SREK1: variants seen among roughly 807,000 people sequenced by gnomAD.
The protein encoded by SREK1 is splicing regulatory glutamic acid and lysine rich protein 1.
Under a neutral mutation model 66.5 loss-of-function variants are expected in SREK1, and 13 were observed. The observed-to-expected ratio is 0.20, with a 90% CI of 0.13 to 0.31. The LOEUF (loss-of-function observed/expected upper bound fraction) is 0.31, where lower values mean the gene tolerates loss of function less well. Among genes scored for constraint, SREK1 ranks in the 10% least tolerant of loss-of-function variants. The pLI is 1.00. For missense variants in SREK1, 607 were observed against 769.6 expected (o/e 0.79, Z 2.50); for synonymous variants, 265 against 263.5 (o/e 1.01, Z -0.05).
intron 7 of SREK1, chr5:66,166,577 C>G (rs1745197508): frequency 6.6e-6 from 1 of 151,936 alleles, no homozygotes; most frequent in African/African-American, 2.4e-5. Flanking sequence ...CACAAGTGAT[C>G]CTCCCACCTC....
intron 9 of SREK1, 88 bp downstream of exon 9, chr5:66,171,035 A>G: frequency 6.9e-7 from 1 of 1,459,306 alleles, no homozygotes; most frequent in Non-Finnish European, 9.2e-7. Flanking sequence ...AGGTTACTGT[A>G]CGCAAGTGGA....
chr5:66,171,441 G>A (rs970443837), intron 9 of SREK1, among the ~76,000 whole-genome samples: 6 of 152,052 alleles, frequency 3.9e-5, no homozygotes, highest in Non-Finnish European at 5.9e-5. Context: ...AAGGGTTAGA[G>A]TTTTTCCTTA....
At chr5:66,156,529 T>C in intron 2 of SREK1, 1 of 987,716 alleles carries the variant, frequency 1.0e-6, no homozygotes, top group Non-Finnish European at 1.2e-6. Flanking sequence ...ATTAAAACAC[T>C]GATAAGTATC....
chr5:66,170,911 G>A lies in SREK1; in HGVS notation c.1448G>A (p.Ser483Asn). The A allele has an allele frequency of 1.2e-6, 2 of 1,610,826 alleles. No individual in the cohort carries two copies. The highest frequency in any genetic ancestry group is 1.7e-6 in the Non-Finnish European group (2 of 1,179,236). Reference sequence around the variant, plus strand: ...AAAAAATCCAGAACACCACCCAGGAGTTACAATGCATCGCGAAGATCTCGT... The same window carrying A: ...AAAAAATCCAGAACACCACCCAGGAATTACAATGCATCGCGAAGATCTCGT... ...KDKKSRTPPR[S>N]YNASRRSRSS... Residue 483 changes from serine (S) to asparagine (N), a missense_variant, in exon 9 of 12, where the codon AGT becomes AAT. Ser to Asn is a conservative substitution (Grantham distance 46). Around this residue, in one of 5 missense-constraint regions of SREK1, gnomAD observed 318 missense variants for 310.3 expected, o/e 1.02. Transcript: ENST00000334121.
Position 66,178,818 on chromosome 5 carries a change from A to G in SREK1, c.1825A>G (p.Asn609Asp). ...TEENKIQHNG[N>D]CQLNEENLST... The stretch of plus-strand genomic sequence containing the variant: ...GGAAAACAAAATACAGCACAATGGG[A>G]ATTGTCAGCTGAATGAAGAAAACCT... Residue 609 changes from asparagine (N) to aspartate (D), a missense_variant, in exon 12 of 12, where the codon AAT (asparagine) becomes GAT (aspartate). Asn to Asp is a conservative substitution (Grantham distance 23). This residue lies in a region of SREK1 where 318 missense variants were observed against 310.3 expected (regional missense o/e 1.02). Transcript: ENST00000334121. 1.2e-6 allele frequency: 2 copies of G among 1,612,630 alleles called. No individual in the cohort carries two copies. Among genetic ancestry groups the G allele is most frequent in the Non-Finnish European group, 1.7e-6 (2 of 1,178,940 alleles).
At chr5:66,175,659 C>T (rs1365663346) in intron 10 of SREK1, among the ~76,000 whole-genome samples, 2 of 152,042 alleles carry the variant, frequency 1.3e-5, no homozygotes, top group East Asian at 3.8e-4. Flanking sequence ...GAGATATTTC[C>T]TAATTATCCT....
At chr5:66,178,696 C>T (rs1373155645) in intron 11 of SREK1, 23 bp from the exon 12 acceptor site, 1 of 1,554,074 alleles carries the variant, frequency 6.4e-7, no homozygotes. Context: ...ATATTAAATG[C>T]ATACCTTAAT....
Position 66,178,710 on chromosome 5 carries a change from T to C in SREK1, c.1726-9T>C. The C allele has an allele frequency of 6.3e-7, 1 of 1,585,432 alleles. No homozygotes were observed. The highest frequency in any genetic ancestry group is 8.6e-7 in the Non-Finnish European group (1 of 1,163,960). Reference sequence around the variant, plus strand: ...AATATTAAATGCATACCTTAATTACTCATTGTAGGAGAAAGAGCACAATAA... The same window carrying C: ...AATATTAAATGCATACCTTAATTACCCATTGTAGGAGAAAGAGCACAATAA... On this transcript the variant is annotated splice_polypyrimidine_tract_variant and intron_variant, in intron 11 of 11. Coordinates refer to ENST00000334121, the MANE Select transcript of SREK1 (RefSeq NM_001077199.3).
At chr5:66,167,659 C>T (rs1373790172) in intron 7 of SREK1, 3 of 152,098 alleles carry the variant, frequency 2.0e-5, no homozygotes, top group Non-Finnish European at 2.9e-5. Context: ...CTCTTAGTCA[C>T]TGTCTTTTGA....
Position 66,162,505 on chromosome 5 carries a change from G to T in SREK1, c.668G>T (p.Arg223Leu). ...GCAGGTGATGAGACTCAGCCAACTC[G>T]GTTTGCTTTTGTGGAATTTGCAGAC... The part of the protein sequence containing the change: ...RMAGDETQPT[R>L]FAFVEFADQN... The change falls in exon 5 of 12, where the codon CGG becomes CTG. Residue 223 changes from arginine to leucine, a missense_variant. Coordinates refer to ENST00000334121, the MANE Select transcript of SREK1 (RefSeq NM_001077199.3). 6.2e-7 allele frequency: 1 copy of T among 1,614,036 alleles called. No homozygotes were observed. The highest frequency in any genetic ancestry group is 8.5e-7 in the Non-Finnish European group (1 of 1,179,952).
chr5:66,159,458 C>T (rs955747823), intron 3 of SREK1, 124 bp downstream of exon 3: 26 of 757,876 alleles, frequency 3.4e-5, no homozygotes, highest in Non-Finnish European at 4.3e-5. Context: ...AGAGAGGATT[C>T]GAAATCACTG....
chr5:66,152,043 C>T (rs1219358136), intron 1 of SREK1, among the ~76,000 whole-genome samples: 1 of 151,904 alleles, frequency 6.6e-6, no homozygotes, highest in Admixed American at 6.6e-5. Flanking sequence ...GACGGGGTTT[C>T]ACCGTGTTAG....
At chr5:66,177,714 A>G (rs569817820) in intron 11 of SREK1, 56 bp downstream of exon 11, 1 of 1,489,236 alleles carries the variant, frequency 6.7e-7, no homozygotes, top group Non-Finnish European at 9.0e-7. Flanking sequence ...TTGCATACAA[A>G]TGGTTTTAGA....
chr5:66,177,253 C>T lies in SREK1; in HGVS notation c.1581-261C>T, dbSNP rs1580681465. 1.1e-5 allele frequency: 3 copies of T among 279,938 alleles called. No homozygotes were observed. The East Asian group carries it at 1.8e-4, about 17-fold the overall frequency. 17.3% of individuals were successfully genotyped at this position (279,938 alleles called of 1,614,324 possible). Reference sequence around the variant, plus strand: ...GAATATTCGAAAACTATTAAATAGGCTATGCCAAATAGTGTTTTATGAGAA... The same window carrying T: ...GAATATTCGAAAACTATTAAATAGGTTATGCCAAATAGTGTTTTATGAGAA... On this transcript the variant is annotated intron_variant, in intron 10 of 11. Coordinates refer to ENST00000334121, the MANE Select transcript of SREK1 (RefSeq NM_001077199.3).
At chr5:66,146,190 A>G (rs1200706322) in intron 1 of SREK1, among the ~76,000 whole-genome samples, 3 of 152,110 alleles carry the variant, frequency 2.0e-5, no homozygotes, top group Admixed American at 1.3e-4. Context: ...AATAATTGAG[A>G]ATTGTTTGGG....
At chr5:66,165,167 A>G (rs540197132) in intron 7 of SREK1, 1 of 265,056 alleles carries the variant, frequency 3.8e-6, no homozygotes, top group Non-Finnish European at 7.1e-6. Context: ...GATTTTTCTA[A>G]GAGTAAACTA....
At chr5:66,161,596 A>G (rs1338066677) in intron 3 of SREK1, among the ~76,000 whole-genome samples, 1 of 152,206 alleles carries the variant, frequency 6.6e-6, no homozygotes, top group East Asian at 1.9e-4. Context: ...AAATACATGT[A>G]TTAGATAAGC....
rs1432826245 is a variant in SREK1, at chr5:66,179,151, A to T, written c.*283A>T. Reference sequence around the variant, plus strand: ...TGTGGTCTGTTAGTGTTTGCCAAGAACCATTGCAAATAAATTGAACATCAA... The same window carrying T: ...TGTGGTCTGTTAGTGTTTGCCAAGATCCATTGCAAATAAATTGAACATCAA... On this transcript the variant is annotated 3_prime_UTR_variant, in exon 12 of 12. Transcript: ENST00000334121. 1 of 222,562 alleles carries T rather than the reference A, an allele frequency of 4.5e-6. No homozygotes were observed. Among genetic ancestry groups the T allele is most frequent in the Non-Finnish European group, 8.8e-6 (1 of 113,672 alleles). 13.8% of individuals were successfully genotyped at this position (222,562 alleles called of 1,614,324 possible). A position where few individuals can be genotyped will look rare whatever the true frequency, so the allele number is the denominator to read the frequency against.
intron 2 of SREK1, chr5:66,156,900 A>G (rs1228081534): frequency 1.0e-6 from 1 of 966,260 alleles, no homozygotes; most frequent in African/African-American, 2.2e-5. Flanking sequence ...TGAGATTAGG[A>G]CTATAATACT....
Sources: gnomAD v4.1 joint callset for allele counts (sites outside exome capture counted in the v4.1 genomes callset) on GRCh38, gnomAD v4.1.1 for gene constraint, gnomAD v4.1.1 regional missense constraint, MANE v1.5 for transcripts, NCBI Gene and HGNC (gene_info 2026-07-23, HGNC 2026-07-21) for gene names.